The following BMPR1B variants were observed in gnomAD, a reference collection of about 807,000 sequenced individuals.
BMPR1B encodes bone morphogenetic protein receptor type-1B.
BMPR1B carries 12 observed loss-of-function variants against 59.1 expected under a neutral mutation model. The observed-to-expected ratio is 0.20, with a 90% CI of 0.13 to 0.33. The LOEUF is 0.33. Among genes scored for constraint, BMPR1B ranks in the 10% least tolerant of loss-of-function variants. The pLI is 1.00. For synonymous variants in BMPR1B, 237 were observed against 207.3 expected, an observed-to-expected ratio of 1.14 and a Z score of -1.23; for missense variants, 550 against 610.9, an observed-to-expected ratio of 0.90 and a Z score of 1.05.
chr4:94,850,433 G>A (rs6828291), intron 1 of BMPR1B, among the ~76,000 whole-genome samples: 73,766 of 152,014 alleles, frequency 0.49, 18,683 homozygotes, highest in African/African-American at 0.63. Context: ...TTTCAAAGTA[G>A]TAATGTAAAC....
intron 2 of BMPR1B, among the ~76,000 whole-genome samples, chr4:94,988,772 A>G (rs1416576466): frequency 1.3e-5 from 2 of 152,118 alleles, no homozygotes; most frequent in Non-Finnish European, 2.9e-5. Context: ...TTATTACTTG[A>G]GAACAAAGAA....
At chr4:95,100,061 A>T (rs1481457954) in intron 3 of BMPR1B, among the ~76,000 whole-genome samples, 1 of 152,174 alleles carries the variant, frequency 6.6e-6, no homozygotes, top group Non-Finnish European at 1.5e-5. Context: ...CCTGCCTTCA[A>T]TGAGGCCTGC....
chr4:94,838,607 C>T (rs1313794840), intron 1 of BMPR1B, among the ~76,000 whole-genome samples: 1 of 140,508 alleles, frequency 7.1e-6, no homozygotes, highest in Non-Finnish European at 1.6e-5. Context: ...GTGGTGATAT[C>T]CCCTTTATCA....
At chr4:95,090,687 A>G (rs1159780374) in intron 3 of BMPR1B, among the ~76,000 whole-genome samples, 1 of 152,072 alleles carries the variant, frequency 6.6e-6, no homozygotes, top group Non-Finnish European at 1.5e-5. Context: ...ATATTTGTGT[A>G]TGGTAAATAT....
intron 3 of BMPR1B, among the ~76,000 whole-genome samples, chr4:95,027,569 A>G (rs911368587): frequency 2.6e-5 from 4 of 152,184 alleles, no homozygotes; most frequent in South Asian, 2.1e-4. Flanking sequence ...TAGGATAGCT[A>G]TTTACCAACT....
intron 6 of BMPR1B, among the ~76,000 whole-genome samples, chr4:95,119,581 GA>G (rs1162054472): frequency 6.6e-6 from 1 of 152,078 alleles, no homozygotes; most frequent in African/African-American, 2.4e-5. Context: ...GGCTCCTGTT[GA>G]GCCCTGAATG....
intron 1 of BMPR1B, among the ~76,000 whole-genome samples, chr4:94,781,052 G>T (rs961384949): frequency 1.3e-5 from 2 of 152,054 alleles, no homozygotes; most frequent in Non-Finnish European, 2.9e-5. Flanking sequence ...TTGTGGCATT[G>T]ATTTGCATCT....
intron 6 of BMPR1B, among the ~76,000 whole-genome samples, chr4:95,120,693 T>TTCTCTCTTTCTCTCTC (rs1261586199): frequency 6.7e-6 from 1 of 148,278 alleles, no homozygotes; most frequent in East Asian, 2.0e-4. Flanking sequence ...CTTTCTTTCT[T>TTCTCTCTTTCTCTCTC]TCTCTCTTTC....
chr4:94,999,337 G>C (rs1722279689), intron 3 of BMPR1B, among the ~76,000 whole-genome samples: 1 of 151,906 alleles, frequency 6.6e-6, no homozygotes, highest in Non-Finnish European at 1.5e-5. Context: ...TCATTAGATT[G>C]AAGGAAAGCC....
chr4:94,956,845 T>G (rs1730159557), intron 2 of BMPR1B, among the ~76,000 whole-genome samples: 1 of 152,150 alleles, frequency 6.6e-6, no homozygotes, highest in South Asian at 2.1e-4. Flanking sequence ...AGTTTCAGTG[T>G]AATTGTAACT....
At chr4:94,922,512 T>A (rs1228729571) in intron 2 of BMPR1B, among the ~76,000 whole-genome samples, 1 of 152,190 alleles carries the variant, frequency 6.6e-6, no homozygotes, top group Admixed American at 6.5e-5. Context: ...CTGTTGATAA[T>A]GTTTTAGCAC....
intron 1 of BMPR1B, among the ~76,000 whole-genome samples, chr4:94,841,308 C>G (rs546534912): frequency 1.3e-5 from 2 of 148,408 alleles, no homozygotes; most frequent in South Asian, 4.3e-4. Context: ...AGCTTCCTGG[C>G]TGCTTTGTTT....
At chr4:95,099,077 A>G (rs1560909) in intron 3 of BMPR1B, among the ~76,000 whole-genome samples, 127,767 of 152,150 alleles carry the variant, frequency 0.84, 53,638 homozygotes, top group South Asian at 0.88. Flanking sequence ...ATTGTAGATT[A>G]TAGAATGTAG....
intron 3 of BMPR1B, among the ~76,000 whole-genome samples, chr4:95,079,305 T>A (rs909719395): frequency 1.3e-5 from 2 of 152,190 alleles, no homozygotes; most frequent in Non-Finnish European, 2.9e-5. Context: ...GAAGTTGTTC[T>A]ACGTACCTCA....
chr4:94,836,787 C>A (rs1338916069), intron 1 of BMPR1B, among the ~76,000 whole-genome samples: 3 of 148,158 alleles, frequency 2.0e-5, no homozygotes, highest in East Asian at 1.9e-4. Flanking sequence ...TCAATTTTGT[C>A]TTCTGTTGCC....
chr4:94,988,524 T>C (rs1366506013), intron 2 of BMPR1B, among the ~76,000 whole-genome samples: 1 of 152,236 alleles, frequency 6.6e-6, no homozygotes, highest in East Asian at 1.9e-4. Flanking sequence ...GTTTATGTGA[T>C]GTCATATAAA....
intron 1 of BMPR1B, among the ~76,000 whole-genome samples, chr4:94,831,957 C>G (rs1724611654): frequency 6.6e-6 from 1 of 152,182 alleles, no homozygotes; most frequent in Non-Finnish European, 1.5e-5. Flanking sequence ...TCCCATCACT[C>G]CCAGGTGGGA....
chr4:94,831,237 A>ACAAC (rs200801784), intron 1 of BMPR1B, among the ~76,000 whole-genome samples: 1 of 146,836 alleles, frequency 6.8e-6, no homozygotes, highest in Non-Finnish European at 1.6e-5. Flanking sequence ...AAAAAGTAAA[A>ACAAC]AAAAAAAAAA....
chr4:95,014,975 C>T (rs1723487085), intron 3 of BMPR1B, among the ~76,000 whole-genome samples: 1 of 152,164 alleles, frequency 6.6e-6, no homozygotes, highest in Non-Finnish European at 1.5e-5. Context: ...GCAGCCGGAG[C>T]AGTGGCTTGC....
Sources: gnomAD v4.1 joint callset for allele counts (sites outside exome capture counted in the v4.1 genomes callset) on GRCh38, gnomAD v4.1.1 for gene constraint, MANE v1.5 for transcripts, NCBI Gene and HGNC (gene_info 2026-07-23, HGNC 2026-07-21) for gene names.